RBM26: variants seen among roughly 807,000 people sequenced by gnomAD.
The protein encoded by RBM26 is RNA binding motif protein 26, also known as RNA-binding protein 26.
A neutral mutation model predicts 123.6 loss-of-function variants in RBM26; 30 were observed. That is an observed-to-expected ratio of 0.24 (90% CI 0.18 to 0.33). RBM26 has a LOEUF of 0.33. Among genes scored for constraint, RBM26 ranks in the 10% least tolerant of loss-of-function variants. The pLI is 1.00. For synonymous variants in RBM26, 400 were observed against 404.4 expected (o/e 0.99, Z 0.13); for missense variants, 947 against 1,203.6 (o/e 0.79, Z 3.15).
chr13:79,400,983 C>G (rs563484076), intron 1 of RBM26, among the ~76,000 whole-genome samples: 2 of 152,208 alleles, frequency 1.3e-5, no homozygotes, highest in South Asian at 4.2e-4. Flanking sequence ...TGACTAGAAG[C>G]GTTTTATCTT....
chr13:79,318,777 G>A (rs1461849087), downstream of RBM26: 4 of 983,342 alleles, frequency 4.1e-6, no homozygotes, highest in African/African-American at 7.0e-5. Context: ...AAATCAGCAT[G>A]GAGATTTAAC....
intron 5 of RBM26, 52 bp from the exon 6 acceptor site, chr13:79,369,042 A>C (rs759812665): frequency 8.5e-7 from 1 of 1,182,352 alleles, no homozygotes; most frequent in Non-Finnish European, 1.1e-6. Context: ...AAAAAAAAAA[A>C]AGTCCCAGAT....
In RBM26 at chr13:79,318,998, T is replaced by C. The variant is rs1356658100; in HGVS notation, c.*1623A>G. The C allele has an allele frequency of 5.1e-6, 5 of 977,142 alleles. No individual in the cohort carries two copies. Among genetic ancestry groups the C allele is most frequent in the Non-Finnish European group, 6.1e-6 (5 of 822,672 alleles). 60.5% of individuals were successfully genotyped at this position (977,142 alleles called of 1,614,324 possible). The stretch of plus-strand genomic sequence containing the variant: ...TATATAAGTAAAAATAGTGACTTTT[T>C]GAGCAAAGTCACTATTTTGACAACT... On this transcript the variant is annotated 3_prime_UTR_variant, in exon 22 of 22. Transcript: ENST00000438737.
chr13:79,334,315 TG>T (rs1430245458), intron 20 of RBM26, 28 bp downstream of exon 20: 1 of 1,233,380 alleles, frequency 8.1e-7, no homozygotes, highest in Non-Finnish European at 1.1e-6. Context: ...CATTTAAATC[TG>T]AATTGATAAA....
intron 1 of RBM26, among the ~76,000 whole-genome samples, chr13:79,386,611 A>C (rs1336981822): frequency 7.2e-6 from 1 of 139,326 alleles, no homozygotes; most frequent in Non-Finnish European, 1.6e-5. Context: ...AAAAAAAAAA[A>C]GGTGTATCTG....
At chr13:79,350,906 ACACT>A (rs1010795530) in intron 14 of RBM26, among the ~76,000 whole-genome samples, 18 of 152,284 alleles carry the variant, frequency 1.2e-4, no homozygotes, top group African/African-American at 4.3e-4. Context: ...CTCTGTAAAG[ACACT>A]CACTGAAGAT....
At chr13:79,378,943 C>T (rs2076858770) in intron 1 of RBM26, 36 bp from the exon 2 acceptor site, 1 of 1,223,156 alleles carries the variant, frequency 8.2e-7, no homozygotes, top group Non-Finnish European at 1.2e-6. Context: ...AAAATTTAGC[C>T]AACTGCACAT....
chr13:79,316,975 GGTTTGTT>G (rs2067202308), downstream of RBM26, among the ~76,000 whole-genome samples: 6 of 151,402 alleles, frequency 4.0e-5, no homozygotes, highest in Admixed American at 6.6e-5. Context: ...GTAGCATATT[GGTTTGTT>G]TTTTTTTTAA....
intron 14 of RBM26, among the ~76,000 whole-genome samples, chr13:79,351,946 C>T (rs1381093960): frequency 6.6e-6 from 1 of 152,070 alleles, no homozygotes; most frequent in Non-Finnish European, 1.5e-5. Context: ...AAGTGGTCTA[C>T]AAACACAAGC....
chr13:79,403,882 C>G (rs758561941), intron 1 of RBM26, among the ~76,000 whole-genome samples: 2 of 152,176 alleles, frequency 1.3e-5, no homozygotes, highest in African/African-American at 2.4e-5. Context: ...CTATTTGCCT[C>G]CATTTTTTCA....
At chr13:79,332,918 C>T (rs1376166095) in intron 20 of RBM26, among the ~76,000 whole-genome samples, 2 of 152,110 alleles carry the variant, frequency 1.3e-5, no homozygotes, top group African/African-American at 2.4e-5. Flanking sequence ...GGAAGTAGTA[C>T]ATATTTAAAG....
chr13:79,313,850 T>C (rs570016271), exon 5 of RBM26: 3 of 147,960 alleles, frequency 2.0e-5, no homozygotes, highest in African/African-American at 5.0e-5. Context: ...GAAAAAAAGT[T>C]TGCAGAATGT....
intron 1 of RBM26, among the ~76,000 whole-genome samples, chr13:79,393,050 T>C (rs1460996397): frequency 6.6e-6 from 1 of 152,108 alleles, no homozygotes; most frequent in African/African-American, 2.4e-5. Context: ...CATCAACACT[T>C]ACTAACCAAA....
At chr13:79,372,086 C>A (rs886947008) in intron 3 of RBM26, among the ~76,000 whole-genome samples, 156 bp from the exon 4 acceptor site, 1 of 152,124 alleles carries the variant, frequency 6.6e-6, no homozygotes, top group East Asian at 1.9e-4. Flanking sequence ...CGACACCAGC[C>A]TGGCCAACAT....
intron 10 of RBM26, 58 bp from the exon 11 acceptor site, chr13:79,358,491 C>T (rs892939559): frequency 4.2e-5 from 56 of 1,333,194 alleles, no homozygotes; most frequent in Middle Eastern, 3.9e-4. Flanking sequence ...TAACCAAATA[C>T]AAGGGAATAA....
chr13:79,359,284 T>C (rs565677078), intron 10 of RBM26, among the ~76,000 whole-genome samples: 197 of 152,282 alleles, frequency 1.3e-3, no homozygotes, highest in African/African-American at 4.6e-3. Context: ...ATGACTATCC[T>C]GTATATAGCT....
At chr13:79,392,106 AATAC>A (rs2078091548) in intron 1 of RBM26, among the ~76,000 whole-genome samples, 1 of 131,946 alleles carries the variant, frequency 7.6e-6, no homozygotes, top group African/African-American at 2.7e-5. Flanking sequence ...TGTATTATAC[AATAC>A]ATAATTATAT....
intron 4 of RBM26, 73 bp from the exon 5 acceptor site, chr13:79,371,235 A>T: frequency 1.6e-6 from 2 of 1,218,232 alleles, no homozygotes; most frequent in Non-Finnish European, 2.3e-6. Flanking sequence ...TAAATGCAAA[A>T]GTTACATTTA....
At chr13:79,329,689 G>A (rs2068989968) in intron 20 of RBM26, among the ~76,000 whole-genome samples, 1 of 151,994 alleles carries the variant, frequency 6.6e-6, no homozygotes, top group African/African-American at 2.4e-5. Flanking sequence ...GTTTATATAT[G>A]AATTTATGAC....
Sources: allele counts gnomAD v4.1 joint callset (sites outside exome capture counted in the v4.1 genomes callset), GRCh38; gene constraint gnomAD v4.1.1; transcripts MANE v1.5; gene names NCBI Gene and HGNC (gene_info 2026-07-23, HGNC 2026-07-21).